Variants in ZNF514 observed in about 807,000 individuals in gnomAD.
ZNF514 encodes the protein zinc finger protein 514.
In ZNF514, 12 loss-of-function variants were observed where a neutral mutation model predicts 9.7. The observed-to-expected ratio is 1.24, with a 90% CI of 0.79 to 2.01. The LOEUF (loss-of-function observed/expected upper bound fraction) is 2.01, where lower values mean the gene tolerates loss of function less well. Ranked by LOEUF, ZNF514 falls within the 30% of genes most tolerant of loss-of-function variation. ZNF514 has a pLI of 0.00. For synonymous variants in ZNF514, 158 were observed against 163.7 expected (o/e 0.97, Z 0.27); for missense variants, 467 against 465.5 (o/e 1.00, Z -0.03).
At chr2:95,154,123 C>T (rs568021387) in intron 2 of ZNF514, 1 of 152,376 alleles carries the variant, frequency 6.6e-6, no homozygotes, top group South Asian at 2.1e-4. Context: ...CCTCACCCTG[C>T]CCCAGGTGGG....
intron 1 of ZNF514, among the ~76,000 whole-genome samples, chr2:95,158,224 G>C (rs1673739689): frequency 6.6e-6 from 1 of 152,108 alleles, no homozygotes; most frequent in Non-Finnish European, 1.5e-5. Flanking sequence ...CAATTCTAGA[G>C]AACTTCTGGG....
intron 4 of ZNF514, among the ~76,000 whole-genome samples, chr2:95,150,477 G>A (rs1673508580): frequency 6.6e-6 from 1 of 152,110 alleles, no homozygotes. Context: ...TGGAGATTAA[G>A]AAAATCTGAG....
the ZNF514 span, among the ~76,000 whole-genome samples, chr2:95,139,373 G>A: frequency 3.9e-5 from 6 of 152,344 alleles, no homozygotes; most frequent in East Asian, 1.2e-3. Flanking sequence ...CCACAGAGGT[G>A]GAGCTGCCCA....
chr2:95,150,231 G>C lies in ZNF514; in HGVS notation c.254C>G (p.Pro85Arg). The change falls in exon 5 of 5, where the codon CCA becomes CGA. Residue 85 changes from proline to arginine, a missense_variant. Physicochemically the swap from Pro to Arg is moderately radical, Grantham distance 103. Transcript: ENST00000295208. ...KRRSKSKESM[P>R]SWGISKEELF... ...TTCTTCTTTGGAAATTCCCCAACTTGGCATTGATTCCTTGGATTTAGACCT... is the reference window on the plus strand; with the variant it reads ...TTCTTCTTTGGAAATTCCCCAACTTCGCATTGATTCCTTGGATTTAGACCT... The C allele has an allele frequency of 2.5e-6, 4 of 1,589,542 alleles. No individual in the cohort carries two copies. Among genetic ancestry groups the C allele is most frequent in the Non-Finnish European group, 3.4e-6 (4 of 1,170,048 alleles).
the ZNF514 span, among the ~76,000 whole-genome samples, chr2:95,139,211 T>G: frequency 1.3e-5 from 2 of 152,184 alleles, no homozygotes; most frequent in South Asian, 2.1e-4. Flanking sequence ...GAACCTCAAC[T>G]AGGTCAGTGT....
downstream of ZNF514, among the ~76,000 whole-genome samples, chr2:95,141,575 C>T (rs1402633227): frequency 6.6e-6 from 1 of 152,122 alleles, no homozygotes; most frequent in African/African-American, 2.4e-5. Context: ...GTCTTATCAC[C>T]AACAGGTTGA....
chr2:95,124,904 C>T, the ZNF514 span, among the ~76,000 whole-genome samples: 1 of 151,996 alleles, frequency 6.6e-6, no homozygotes, highest in Non-Finnish European at 1.5e-5. Context: ...TTTTTTGAGA[C>T]AGAGTCTCAC....
chr2:95,131,032 C>T, the ZNF514 span, among the ~76,000 whole-genome samples: 11 of 152,310 alleles, frequency 7.2e-5, 1 homozygote, highest in African/African-American at 2.6e-4. Context: ...CTTCACAATT[C>T]ACGTTCTTCT....
chr2:95,158,667 T>C (rs1393042869), intron 1 of ZNF514, among the ~76,000 whole-genome samples: 1 of 152,258 alleles, frequency 6.6e-6, no homozygotes, highest in African/African-American at 2.4e-5. Context: ...GCCCTCTCCC[T>C]GCCGCAGCAG....
chr2:95,144,642 T>C (rs867572731), downstream of ZNF514, among the ~76,000 whole-genome samples: 20 of 152,184 alleles, frequency 1.3e-4, no homozygotes, highest in African/African-American at 3.1e-4. Flanking sequence ...TTTTCTATAA[T>C]TGTCATCAAA....
At chr2:95,130,787 A>G in the ZNF514 span, among the ~76,000 whole-genome samples, 1 of 152,278 alleles carries the variant, frequency 6.6e-6, no homozygotes, top group African/African-American at 2.4e-5. Context: ...CATGCTGTAC[A>G]ATTTTTGTAG....
chr2:95,135,343 T>C, the ZNF514 span, among the ~76,000 whole-genome samples: 10 of 152,176 alleles, frequency 6.6e-5, no homozygotes, highest in Non-Finnish European at 1.2e-4. Context: ...TTTTATACTT[T>C]TTGATGCCAT....
intron 4 of ZNF514, among the ~76,000 whole-genome samples, chr2:95,150,855 C>A (rs1334718261): frequency 6.6e-6 from 1 of 152,188 alleles, no homozygotes; most frequent in Non-Finnish European, 1.5e-5. Context: ...TTACCAGGTC[C>A]TGTCCTCTTT....
chr2:95,127,936 C>A, the ZNF514 span, among the ~76,000 whole-genome samples: 1 of 151,980 alleles, frequency 6.6e-6, no homozygotes, highest in Non-Finnish European at 1.5e-5. Context: ...GGTAGCTGTT[C>A]CCTCTATATT....
chr2:95,125,466 T>C, the ZNF514 span, among the ~76,000 whole-genome samples: 2,146 of 151,940 alleles, frequency 0.014, 25 homozygotes, highest in Non-Finnish European at 0.022. Flanking sequence ...TCTCGATCTC[T>C]TGACCTTGTG....
chr2:95,138,180 G>A, the ZNF514 span, among the ~76,000 whole-genome samples: 5 of 152,136 alleles, frequency 3.3e-5, no homozygotes, highest in African/African-American at 4.8e-5. Context: ...ATGCAAGAAC[G>A]GCCTAATATA....
Position 95,157,435 on chromosome 2 carries a change from G to C in ZNF514, c.-91C>G. 7.8e-7 allele frequency: 1 copy of C among 1,289,378 alleles called. No homozygotes were observed. Among genetic ancestry groups the C allele is most frequent in the Non-Finnish European group, 1.0e-6 (1 of 988,564 alleles). 79.9% of individuals were successfully genotyped at this position (1,289,378 alleles called of 1,614,324 possible). A position where few individuals can be genotyped will look rare whatever the true frequency, so the allele number is the denominator to read the frequency against. On this transcript the variant is annotated 5_prime_UTR_variant, in exon 2 of 5. Coordinates refer to ENST00000295208, the MANE Select transcript of ZNF514 (RefSeq NM_032788.3). ...GAGGAAGAGCAGGATTCTGAGAAGG[G>C]GAAGCTGGGAAGGTAGAAGGAGACA...
chr2:95,149,060 G>A lies in ZNF514; in HGVS notation c.*222C>T, dbSNP rs148763187. The A allele has an allele frequency of 7.6e-4, 391 of 511,668 alleles. 2 individuals are homozygous for A. The highest frequency in any genetic ancestry group is 6.8e-3 in the African/African-American group (355 of 51,996). The allele number at this position is 511,668 out of a possible 1,614,324, so 31.7% of individuals were successfully genotyped here. On this transcript the variant is annotated 3_prime_UTR_variant, in exon 5 of 5. Transcript: ENST00000295208. ...GCGTTCCCACATTCATTACATTCAC[G>A]TGGTTTCTCACTAGTATGGATTCTC...
At chr2:95,127,207 G>A in the ZNF514 span, among the ~76,000 whole-genome samples, 1 of 152,152 alleles carries the variant, frequency 6.6e-6, no homozygotes, top group Non-Finnish European at 1.5e-5. Context: ...TCCTGAGAGG[G>A]GACCCAGCCT....
Sources: allele counts gnomAD v4.1 joint callset (sites outside exome capture counted in the v4.1 genomes callset), GRCh38; gene constraint gnomAD v4.1.1; transcripts MANE v1.5; gene names NCBI Gene and HGNC (gene_info 2026-07-23, HGNC 2026-07-21).